Variants in CENPS observed in about 807,000 individuals in gnomAD.
CENPS encodes FANCM associated histone fold protein 1.
In CENPS, 16 loss-of-function variants were observed where a neutral mutation model predicts 17.9. The ratio of observed to expected loss-of-function variants is 0.90; its 90% CI spans 0.61 to 1.36. CENPS has a LOEUF of 1.36. CENPS is among the 40% of genes most tolerant of loss of function. CENPS has a pLI of 0.00. For missense variants in CENPS, 160 were observed against 158.6 expected, an observed-to-expected ratio of 1.01 and a Z score of -0.05; for synonymous variants, 49 against 55.8, an observed-to-expected ratio of 0.88 and a Z score of 0.54.
chr1:10,442,076 A>C (rs930235029), intron 4 of CENPS, among the ~76,000 whole-genome samples, 189 bp from the exon 5 acceptor site: 1 of 139,844 alleles, frequency 7.2e-6, no homozygotes, highest in African/African-American at 2.5e-5. Context: ...TATCTACAAA[A>C]AATTTAAAAA....
At chr1:10,431,512 AT>A in intron 1 of CENPS, 1 of 1,284,858 alleles carries the variant, frequency 7.8e-7, no homozygotes, top group Non-Finnish European at 1.1e-6. Flanking sequence ...AATTGCAGAT[AT>A]TTTGACACTT....
intron 1 of CENPS, among the ~76,000 whole-genome samples, 174 bp from the exon 2 acceptor site, chr1:10,433,668 G>T (rs1389921456): frequency 6.6e-6 from 1 of 152,120 alleles, no homozygotes; most frequent in Admixed American, 6.6e-5. Flanking sequence ...TCCACAAGTC[G>T]CACTCCAGTG....
At chr1:10,432,307 A>G (rs1639956498) in intron 1 of CENPS, among the ~76,000 whole-genome samples, 1 of 151,750 alleles carries the variant, frequency 6.6e-6, no homozygotes, top group Non-Finnish European at 1.5e-5. Context: ...CTGGTTTTGA[A>G]CTCCTGACCT....
chr1:10,434,827 T>G (rs765058542), intron 3 of CENPS, 137 bp downstream of exon 3: 75 of 1,268,456 alleles, frequency 5.9e-5, no homozygotes, highest in Non-Finnish European at 7.6e-5. Context: ...TAATCATGGT[T>G]CTGCAAGAAC....
chr1:10,440,316 T>C lies in CENPS; in HGVS notation c.210-31T>C, dbSNP rs190501070. The stretch of plus-strand genomic sequence containing the variant: ...TCAAAACTTTAAATAATACCAAACA[T>C]TTTGGTGACTTGCTTCTGCCCTTTC... On this transcript the variant is annotated intron_variant, in intron 3 of 4. Transcript: ENST00000309048. 2.8e-5 allele frequency: 45 copies of C among 1,609,190 alleles called. No homozygotes were observed. In the African/African-American group the frequency reaches 5.4e-4, roughly 19 times the overall value.
At chr1:10,440,476 C>A in intron 4 of CENPS, 63 bp downstream of exon 4, 1 of 1,590,342 alleles carries the variant, frequency 6.3e-7, no homozygotes, top group South Asian at 1.1e-5. Flanking sequence ...CCCAATCAAT[C>A]ACTTGAAGCC....
intron 3 of CENPS, among the ~76,000 whole-genome samples, chr1:10,437,239 T>C (rs756579064): frequency 3.3e-5 from 5 of 152,236 alleles, no homozygotes; most frequent in Non-Finnish European, 7.4e-5. Flanking sequence ...CACTGCAACC[T>C]AGAGCTCCTG....
chr1:10,431,831 G>A (rs1461610029), intron 1 of CENPS, among the ~76,000 whole-genome samples: 2 of 101,674 alleles, frequency 2.0e-5, no homozygotes, highest in Non-Finnish European at 3.8e-5. Flanking sequence ...TCCAGCCTGG[G>A]TGACAGAGCG....
At chr1:10,434,781 A>G (rs1157304183) in intron 3 of CENPS, 91 bp downstream of exon 3, 3 of 1,465,198 alleles carry the variant, frequency 2.0e-6, no homozygotes, top group Non-Finnish European at 2.7e-6. Flanking sequence ...AGCTTTAGCT[A>G]TTCAGTTTTC....
At position 10,442,479 on chromosome 1, in the gene CENPS, A is replaced by T; in HGVS notation, c.*74A>T. On this transcript the variant is annotated 3_prime_UTR_variant, in exon 5 of 5. Coordinates refer to ENST00000309048, the MANE Select transcript of CENPS (RefSeq NM_199294.3). ...AGAAATGCATATGGCTGCAAAGGAA[A>T]CTTTGAAGGGTTAAATAGAGATTTA... 7.0e-7 allele frequency: 1 copy of T among 1,438,146 alleles called. No homozygotes were observed. The highest frequency in any genetic ancestry group is 9.1e-7 in the Non-Finnish European group (1 of 1,097,392). The allele number at this position is 1,438,146 out of a possible 1,614,324, so 89.1% of individuals were successfully genotyped here.
intron 1 of CENPS, chr1:10,431,141 T>C (rs1639893875): frequency 1.3e-5 from 18 of 1,434,724 alleles, no homozygotes; most frequent in Non-Finnish European, 1.6e-5. Context: ...GAATAATCAC[T>C]TGTCAGGGTA....
chr1:10,434,769 A>C, intron 3 of CENPS, 79 bp downstream of exon 3: 1 of 1,516,872 alleles, frequency 6.6e-7, no homozygotes, highest in Non-Finnish European at 8.8e-7. Context: ...TTATTTCAGG[A>C]GAGCTTTAGC....
chr1:10,442,124 G>C, intron 4 of CENPS, 141 bp from the exon 5 acceptor site: 1 of 1,135,912 alleles, frequency 8.8e-7, no homozygotes, highest in Non-Finnish European at 1.2e-6. Context: ...TTAATTCTTA[G>C]AAATGTAACC....
At chr1:10,438,465 T>G (rs967287823) in intron 3 of CENPS, among the ~76,000 whole-genome samples, 5 of 152,224 alleles carry the variant, frequency 3.3e-5, no homozygotes, top group African/African-American at 1.2e-4. Context: ...ATTTCTTTAT[T>G]TAGCTTTGAA....
rs1047929644 is a variant in CENPS at position 10,436,635 on chromosome 1, G to T, written c.209+1945G>T. 2.6e-5 allele frequency among the ~76,000 whole-genome samples: 4 copies of T among 151,354 alleles called. No individual in the cohort carries two copies. In the South Asian group the frequency reaches 8.4e-4, roughly 32 times the overall value. Reference sequence around the variant, plus strand: ...GCAGGAGAATTGCTTGAACCAGGGAGGTGGAGGTTGCAGTGAGTCGAGATC... The same window carrying T: ...GCAGGAGAATTGCTTGAACCAGGGATGTGGAGGTTGCAGTGAGTCGAGATC... On this transcript the variant is annotated intron_variant, in intron 3 of 4. Coordinates refer to ENST00000309048, the MANE Select transcript of CENPS (RefSeq NM_199294.3).
intron 1 of CENPS, chr1:10,431,081 C>T (rs1639890122): frequency 7.2e-7 from 1 of 1,379,626 alleles, no homozygotes; most frequent in South Asian, 1.6e-5. Flanking sequence ...AACTTGTGAT[C>T]GTATCGACTC....
intron 1 of CENPS, chr1:10,431,304 C>G (rs1057203867): frequency 2.0e-6 from 3 of 1,535,162 alleles, no homozygotes; most frequent in Admixed American, 2.0e-5. Context: ...GCTCCAGACG[C>G]GGGAGTTTCC....
At chr1:10,433,587 C>T (rs552426919) in intron 1 of CENPS, among the ~76,000 whole-genome samples, 1 of 152,328 alleles carries the variant, frequency 6.6e-6, no homozygotes, top group Admixed American at 6.5e-5. Flanking sequence ...ACCTGTCTCC[C>T]CACTGACTTG....
intron 4 of CENPS, 62 bp downstream of exon 4, chr1:10,440,475 T>A: frequency 6.3e-7 from 1 of 1,595,336 alleles, no homozygotes; most frequent in East Asian, 2.2e-5. Context: ...TCCCAATCAA[T>A]CACTTGAAGC....
Sources: allele counts gnomAD v4.1 joint callset (sites outside exome capture counted in the v4.1 genomes callset), GRCh38; gene constraint gnomAD v4.1.1; transcripts MANE v1.5; gene names NCBI Gene and HGNC (gene_info 2026-07-23, HGNC 2026-07-21).